LCOR: variants seen among roughly 807,000 people sequenced by gnomAD.
The protein encoded by LCOR is ligand-dependent corepressor.
Under a neutral mutation model 64.4 loss-of-function variants are expected in LCOR, and 14 were observed. The ratio of observed to expected loss-of-function variants is 0.22; its 90% CI spans 0.14 to 0.34. The LOEUF (loss-of-function observed/expected upper bound fraction) is 0.34. Among genes scored for constraint, LCOR ranks in the 10% least tolerant of loss-of-function variants. The probability of loss-of-function intolerance (pLI) is 1.00; values close to 1 mark genes in which losing one functional copy is unlikely to be tolerated. For synonymous variants in LCOR, 643 were observed against 642.5 expected, an observed-to-expected ratio of 1.00 and a Z score of -0.01; for missense variants, 1,686 against 1,765.3, an observed-to-expected ratio of 0.96 and a Z score of 0.80.
At chr10:96,852,999 G>A (rs765169246) in intron 2 of LCOR, among the ~76,000 whole-genome samples, 16 of 152,178 alleles carry the variant, frequency 1.1e-4, no homozygotes, top group Non-Finnish European at 1.8e-4. Flanking sequence ...TGCTTGAATA[G>A]TAAATTTGTA....
intron 7 of LCOR, chr10:96,959,314 C>T (rs1216442252): frequency 1.3e-5 from 2 of 152,036 alleles, no homozygotes; most frequent in Non-Finnish European, 2.9e-5. Context: ...TCACAACTGT[C>T]TTTGTCACGA....
chr10:96,920,329 C>T (rs1847025714), intron 4 of LCOR, among the ~76,000 whole-genome samples: 1 of 150,434 alleles, frequency 6.6e-6, no homozygotes, highest in Non-Finnish European at 1.5e-5. Flanking sequence ...TGTTCAAGTT[C>T]TTTGCCCATT....
intron 4 of LCOR, among the ~76,000 whole-genome samples, chr10:96,929,206 G>T (rs115590424): frequency 6.6e-6 from 1 of 152,198 alleles, no homozygotes; most frequent in African/African-American, 2.4e-5. Context: ...GCATTGACTT[G>T]TCCTCTCTCA....
intron 2 of LCOR, among the ~76,000 whole-genome samples, chr10:96,834,571 G>C (rs895707503): frequency 3.3e-5 from 5 of 152,154 alleles, no homozygotes; most frequent in African/African-American, 1.2e-4. Flanking sequence ...TGAAATTAAT[G>C]CGTTTTCAGA....
In LCOR at chr10:96,984,225, G is replaced by A. The variant is rs1197218738; in HGVS notation, c.3765G>A (p.Gln1255=). The A allele has an allele frequency of 6.2e-7, 1 of 1,613,996 alleles. No individual in the cohort carries two copies. Among genetic ancestry groups the A allele is most frequent in the Non-Finnish European group, 8.5e-7 (1 of 1,180,026 alleles). ...ATPAKNNWKM[Q]KLWAKFRENP... is the part of the protein sequence containing the mutation. ...CTGCTAAGAATAATTGGAAAATGCA[G>A]AAGCTCTGGGCCAAATTTCGAGAGA... The change falls in exon 8 of 8, where the codon CAG becomes CAA. Residue 1255 remains glutamine, a synonymous_variant. Transcript: ENST00000421806.
In LCOR at chr10:96,949,304, T is replaced by G. The variant is rs753103078; in HGVS notation, c.238+9T>G. On this transcript the variant is annotated intron_variant, in intron 6 of 7. Transcript: ENST00000421806. ...AGAACCTAGCGAACAAGGTATGGTT[T>G]GATGTCAAGGTCTCCTCTATCTTAT... is the stretch of plus-strand genomic sequence containing the variant. The G allele has an allele frequency of 8.7e-6, 14 of 1,613,708 alleles. No homozygotes were observed. Among genetic ancestry groups the G allele is most frequent in the Non-Finnish European group, 1.2e-5 (14 of 1,179,692 alleles).
chr10:96,946,716 C>T (rs1246263826), intron 5 of LCOR, among the ~76,000 whole-genome samples: 1 of 152,068 alleles, frequency 6.6e-6, no homozygotes, highest in Non-Finnish European at 1.5e-5. Flanking sequence ...AATTCATAAA[C>T]ACTGTCTTGT....
At chr10:96,875,803 C>T (rs1382979029) in intron 2 of LCOR, among the ~76,000 whole-genome samples, 1 of 151,686 alleles carries the variant, frequency 6.6e-6, no homozygotes, top group East Asian at 1.9e-4. Context: ...TTCATTGAGG[C>T]TGCAGTGAGC....
At chr10:96,912,599 T>TTCCTTCCTTCCTTCCTTC (rs1846858933) in intron 4 of LCOR, among the ~76,000 whole-genome samples, 2 of 110,752 alleles carry the variant, frequency 1.8e-5, no homozygotes, top group East Asian at 5.7e-4. Context: ...GATCTTCCTT[T>TTCCTTCCTTCCTTCCTTC]CTTCCTTTCT....
At chr10:96,837,422 A>AT (rs1203034266) in intron 2 of LCOR, among the ~76,000 whole-genome samples, 1 of 151,434 alleles carries the variant, frequency 6.6e-6, no homozygotes, top group Admixed American at 6.6e-5. Flanking sequence ...CGCCCAGCTA[A>AT]TTTTTTTGTA....
intron 2 of LCOR, among the ~76,000 whole-genome samples, chr10:96,847,079 C>G (rs1162937223): frequency 2.0e-5 from 3 of 151,852 alleles, no homozygotes; most frequent in East Asian, 3.9e-4. Flanking sequence ...CCCGTCTCTA[C>G]AAAAAATACA....
At chr10:96,944,705 T>C (rs1847556855) in intron 5 of LCOR, among the ~76,000 whole-genome samples, 1 of 152,082 alleles carries the variant, frequency 6.6e-6, no homozygotes, top group South Asian at 2.1e-4. Flanking sequence ...TTCACTAAAA[T>C]TTTTTATATT....
intron 2 of LCOR, among the ~76,000 whole-genome samples, chr10:96,899,069 G>A (rs1307050959): frequency 6.6e-6 from 1 of 152,138 alleles, no homozygotes; most frequent in African/African-American, 2.4e-5. Flanking sequence ...TGGGGGGAAG[G>A]TGTTCGTGAT....
chr10:96,984,055 G>A lies in LCOR; in HGVS notation c.3595G>A (p.Val1199Met). ...ETTETRSLVI[V>M]KKLNTRLPGD... ...AACTGAAACCCGGTCTCTAGTCATT[G>A]TGAAGAAGCTCAATACTCGCCTTCC... Residue 1199 changes from valine (V) to methionine (M), a missense_variant, in exon 8 of 8, where the codon GTG becomes ATG. By Grantham distance (21) the Val-to-Met change is conservative. This residue lies in a region of LCOR where 1,293 missense variants were observed against 1,410.4 expected (regional missense o/e 0.92). Coordinates refer to ENST00000421806, the MANE Select transcript of LCOR (RefSeq NM_001346516.2). The A allele has an allele frequency of 3.7e-6, 6 of 1,613,938 alleles. No individual in the cohort carries two copies. The highest frequency in any genetic ancestry group is 5.1e-6 in the Non-Finnish European group (6 of 1,179,956).
At chr10:96,873,295 G>C (rs1185733844) in intron 2 of LCOR, among the ~76,000 whole-genome samples, 1 of 151,668 alleles carries the variant, frequency 6.6e-6, no homozygotes, top group African/African-American at 2.4e-5. Flanking sequence ...CATTATGAGG[G>C]GAAAAAAACT....
At chr10:96,914,952 T>C (rs1846912057) in intron 4 of LCOR, among the ~76,000 whole-genome samples, 1 of 151,976 alleles carries the variant, frequency 6.6e-6, no homozygotes, top group African/African-American at 2.4e-5. Context: ...TTTAAGGGAG[T>C]TAAGTCTGTG....
chr10:96,930,033 C>T (rs1397098664), intron 4 of LCOR, among the ~76,000 whole-genome samples: 1 of 152,170 alleles, frequency 6.6e-6, no homozygotes, highest in Non-Finnish European at 1.5e-5. Flanking sequence ...TTAGGAATCA[C>T]CACTGTGAAT....
chr10:96,860,489 C>T (rs889260243), intron 2 of LCOR, among the ~76,000 whole-genome samples: 13 of 152,154 alleles, frequency 8.5e-5, no homozygotes, highest in Non-Finnish European at 1.5e-5. Context: ...TTTCTAGAGC[C>T]TTTGGAGGGA....
intron 2 of LCOR, among the ~76,000 whole-genome samples, chr10:96,846,099 C>T (rs1388491438): frequency 2.0e-5 from 3 of 151,820 alleles, no homozygotes; most frequent in South Asian, 2.1e-4. Context: ...CTTGGCTACT[C>T]GGGAGGCTGA....
Sources: gnomAD v4.1 joint callset for allele counts (sites outside exome capture counted in the v4.1 genomes callset) on GRCh38, gnomAD v4.1.1 for gene constraint, gnomAD v4.1.1 regional missense constraint, MANE v1.5 for transcripts, NCBI Gene and HGNC (gene_info 2026-07-23, HGNC 2026-07-21) for gene names.